Variants in MGMT observed in about 807,000 individuals in gnomAD.
MGMT encodes the protein O-6-methylguanine-DNA methyltransferase.
In MGMT, 14 loss-of-function variants were observed where a neutral mutation model predicts 15.9. That is an observed-to-expected ratio of 0.88 (90% CI 0.58 to 1.37). MGMT has a LOEUF of 1.37. MGMT is among the 40% of genes most tolerant of loss of function. The probability of loss-of-function intolerance (pLI) is 0.00; values close to 1 mark genes in which losing one functional copy is unlikely to be tolerated. For missense variants in MGMT, 282 were observed against 268.1 expected (o/e 1.05, Z -0.36); for synonymous variants, 130 against 118.2 (o/e 1.10, Z -0.65).
intron 2 of MGMT, among the ~76,000 whole-genome samples, chr10:129,570,257 T>A (rs952791020): frequency 1.3e-5 from 2 of 152,282 alleles, no homozygotes; most frequent in Admixed American, 1.3e-4. Flanking sequence ...TATCCTTAAC[T>A]AAGAATTTTG....
intron 2 of MGMT, among the ~76,000 whole-genome samples, chr10:129,619,375 A>G (rs1052938334): frequency 3.9e-5 from 6 of 152,190 alleles, no homozygotes; most frequent in African/African-American, 1.2e-4. Flanking sequence ...CATTATTTCT[A>G]TATACATAGA....
rs547423460 is a variant in MGMT at position 129,548,819 on chromosome 10, C to G, written c.125+12442C>G. On this transcript the variant is annotated intron_variant, in intron 2 of 4. Coordinates refer to ENST00000651593, the MANE Select transcript of MGMT (RefSeq NM_002412.5). Reference sequence around the variant, plus strand: ...CATCAGGGCAAAGAGACCCAGGAGACCAGGCCAGGGGAGGAGGCAGAGAGC... The same window carrying G: ...CATCAGGGCAAAGAGACCCAGGAGAGCAGGCCAGGGGAGGAGGCAGAGAGC... Among the ~76,000 whole-genome samples the G allele has an allele frequency of 3.5e-4, 53 of 152,238 alleles. No individual in the cohort carries two copies. In the South Asian group the frequency reaches 0.011, roughly 30 times the overall value.
intron 2 of MGMT, among the ~76,000 whole-genome samples, chr10:129,669,691 C>T (rs1847700195): frequency 6.6e-6 from 1 of 152,048 alleles, no homozygotes; most frequent in Non-Finnish European, 1.5e-5. Context: ...CCACAAAAAA[C>T]AAAACACTAC....
chr10:129,687,475 T>A (rs1589936859), intron 2 of MGMT, among the ~76,000 whole-genome samples: 2 of 152,308 alleles, frequency 1.3e-5, no homozygotes, highest in South Asian at 2.1e-4. Context: ...AGAGGGTTGC[T>A]GTTTTTACAG....
chr10:129,766,768 G>C lies in MGMT; in HGVS notation c.415-20G>C. ...TTGTCCAGATCCCTGACTGACAGTGGCTGCCCCCCTGTCTTCCAGGTCCCC... is the reference window on the plus strand; with the variant it reads ...TTGTCCAGATCCCTGACTGACAGTGCCTGCCCCCCTGTCTTCCAGGTCCCC... On this transcript the variant is annotated intron_variant, in intron 4 of 4. Coordinates refer to ENST00000651593, the MANE Select transcript of MGMT (RefSeq NM_002412.5). 1 of 1,604,638 alleles carries C rather than the reference G, an allele frequency of 6.2e-7. No individual in the cohort carries two copies. The highest frequency in any genetic ancestry group is 8.5e-7 in the Non-Finnish European group (1 of 1,176,040).
At chr10:129,625,604 G>T (rs918847949) in intron 2 of MGMT, among the ~76,000 whole-genome samples, 1 of 152,176 alleles carries the variant, frequency 6.6e-6, no homozygotes, top group Non-Finnish European at 1.5e-5. Flanking sequence ...TGATGATAAT[G>T]ATCATAGTAA....
At chr10:129,572,137 G>A (rs1169908923) in intron 2 of MGMT, among the ~76,000 whole-genome samples, 1 of 152,164 alleles carries the variant, frequency 6.6e-6, no homozygotes, top group African/African-American at 2.4e-5. Flanking sequence ...AAAAAATGGT[G>A]CAGATATGGG....
chr10:129,607,982 A>C (rs1405897209), intron 2 of MGMT, among the ~76,000 whole-genome samples: 1 of 152,210 alleles, frequency 6.6e-6, no homozygotes, highest in African/African-American at 2.4e-5. Context: ...GGCTCAAATG[A>C]GAAGGTTTTC....
At chr10:129,588,237 C>T (rs910899825) in intron 2 of MGMT, among the ~76,000 whole-genome samples, 1 of 152,136 alleles carries the variant, frequency 6.6e-6, no homozygotes, top group Admixed American at 6.5e-5. Flanking sequence ...CCCTGGGAGT[C>T]TCAGTTGCAG....
chr10:129,711,985 G>A (rs1239692336), intron 3 of MGMT, among the ~76,000 whole-genome samples: 2 of 152,242 alleles, frequency 1.3e-5, no homozygotes, highest in African/African-American at 4.8e-5. Flanking sequence ...TGGAGAAGCT[G>A]TAGGGGTCAG....
chr10:129,760,291 C>G (rs1195148985), intron 4 of MGMT, among the ~76,000 whole-genome samples: 1 of 152,196 alleles, frequency 6.6e-6, no homozygotes, highest in Non-Finnish European at 1.5e-5. Context: ...CTGCGTGGCC[C>G]ATTGGGAGAA....
chr10:129,598,335 C>T (rs1846776926), intron 2 of MGMT, among the ~76,000 whole-genome samples: 2 of 152,184 alleles, frequency 1.3e-5, no homozygotes, highest in African/African-American at 2.4e-5. Flanking sequence ...CTTGTTCTTT[C>T]TGGCGGCTTC....
intron 1 of MGMT, among the ~76,000 whole-genome samples, chr10:129,510,785 TG>T (rs1202927131): frequency 1.3e-5 from 2 of 151,346 alleles, no homozygotes; most frequent in Non-Finnish European, 1.5e-5. Context: ...CGCAGCCAGA[TG>T]CAGCCACGTG....
At chr10:129,741,179 T>C (rs1848628736) in intron 3 of MGMT, among the ~76,000 whole-genome samples, 1 of 152,180 alleles carries the variant, frequency 6.6e-6, no homozygotes, top group Non-Finnish European at 1.5e-5. Context: ...TCCCCAGCCC[T>C]GGTCACAGCA....
At chr10:129,577,215 C>T (rs1287317864) in intron 2 of MGMT, among the ~76,000 whole-genome samples, 6 of 152,074 alleles carry the variant, frequency 3.9e-5, no homozygotes, top group Admixed American at 3.9e-4. Context: ...CAAAAAAGAG[C>T]CCACATTGCC....
intron 2 of MGMT, among the ~76,000 whole-genome samples, chr10:129,569,104 C>A (rs10466114): frequency 5.9e-5 from 9 of 152,080 alleles, no homozygotes; most frequent in African/African-American, 2.2e-4. Flanking sequence ...CACTCCGGCT[C>A]GGCCACTTAC....
chr10:129,524,716 C>T (rs1430170673), intron 1 of MGMT, among the ~76,000 whole-genome samples: 3 of 151,170 alleles, frequency 2.0e-5, no homozygotes, highest in Non-Finnish European at 2.9e-5. Flanking sequence ...CTCAGCCTCC[C>T]GAGTAGCTGG....
intron 2 of MGMT, among the ~76,000 whole-genome samples, chr10:129,541,371 G>A (rs1010702175): frequency 8.5e-5 from 13 of 152,350 alleles, no homozygotes; most frequent in Non-Finnish European, 1.2e-4. Flanking sequence ...CTGCAAGAGC[G>A]GAGCAGCTCC....
rs71035597 is a variant in MGMT at position 129,599,973 on chromosome 10, AGTAG to A, written c.125+63625_125+63628del. 2.2e-3 allele frequency among the ~76,000 whole-genome samples: 329 copies of A among 151,464 alleles called. 1 individual carries two copies. Among genetic ancestry groups the A allele is most frequent in the East Asian group, 9.3e-3 (48 of 5,172 alleles). ...AGATGCCTGTTGTTACCTATAGGTAAGTAGGTAGGTAGGTAGGTAGGTAGGTAGG... is the reference window on the plus strand; with the variant it reads ...AGATGCCTGTTGTTACCTATAGGTAAGTAGGTAGGTAGGTAGGTAGGTAGG... On this transcript the variant is annotated intron_variant, in intron 2 of 4. Transcript: ENST00000651593.
Sources: gnomAD v4.1 joint callset for allele counts (sites outside exome capture counted in the v4.1 genomes callset) on GRCh38, gnomAD v4.1.1 for gene constraint, MANE v1.5 for transcripts, NCBI Gene and HGNC (gene_info 2026-07-23, HGNC 2026-07-21) for gene names.